Variants in TRABD2A observed in about 807,000 individuals in gnomAD.
The protein encoded by TRABD2A is metalloprotease TIKI1.
TRABD2A carries 43 observed loss-of-function variants against 45.6 expected under a neutral mutation model. The ratio of observed to expected loss-of-function variants is 0.94; its 90% CI spans 0.74 to 1.22. The LOEUF is 1.22. Among genes scored for constraint, TRABD2A ranks in the 50% most tolerant of loss-of-function variants. TRABD2A has a pLI of 0.00. For missense variants in TRABD2A, 642 were observed against 652.4 expected, an observed-to-expected ratio of 0.98 and a Z score of 0.17; for synonymous variants, 269 against 265.0, an observed-to-expected ratio of 1.02 and a Z score of -0.15.
At chr2:84,872,827 C>T (rs942996659) in intron 1 of TRABD2A, among the ~76,000 whole-genome samples, 2 of 152,102 alleles carry the variant, frequency 1.3e-5, no homozygotes, top group Non-Finnish European at 2.9e-5. Context: ...TGAAAGGCAC[C>T]TTATTGGCCA....
At chr2:84,880,789 C>T in intron 1 of TRABD2A, 143 bp downstream of exon 1, 1 of 1,278,964 alleles carries the variant, frequency 7.8e-7, no homozygotes, top group Non-Finnish European at 1.1e-6. Flanking sequence ...GGAGAGCGAG[C>T]AAGGAGCGCC....
At chr2:84,827,593 C>T (rs1180174991) in intron 5 of TRABD2A, among the ~76,000 whole-genome samples, 1 of 152,180 alleles carries the variant, frequency 6.6e-6, no homozygotes, top group Non-Finnish European at 1.5e-5. Context: ...GCCAGATCCC[C>T]AAAGATGTCC....
intron 6 of TRABD2A, 21 bp from the exon 7 acceptor site, chr2:84,822,121 C>G: frequency 6.5e-7 from 1 of 1,530,436 alleles, no homozygotes; most frequent in African/African-American, 1.4e-5. Flanking sequence ...AAGAGAAAGA[C>G]AGAGTCTGAA....
At chr2:84,847,175 A>C (rs575739069) in intron 2 of TRABD2A, among the ~76,000 whole-genome samples, 1 of 152,258 alleles carries the variant, frequency 6.6e-6, no homozygotes, top group Non-Finnish European at 1.5e-5. Context: ...CATGGGCACC[A>C]CAGGAGCAAT....
At position 84,821,979 on chromosome 2, in the gene TRABD2A, G is replaced by C. The variant is rs756446721; in HGVS notation, c.1456C>G (p.Leu486Val). ...AGCACCCAGAACACAGGAGTCCAGA[G>C]AGACAGGCAGGCACTGCTGGCCACC... The part of the protein sequence containing the change: ...QMVASSACLS[L>V]WTPVFWVLVL... The change falls in exon 7 of 7, where the codon CTC (leucine) becomes GTC (valine). Residue 486 changes from leucine (L) to valine (V), a missense_variant. Leu to Val is a conservative substitution (Grantham distance 32, BLOSUM62 1). Transcript: ENST00000409520. 33 of 1,604,340 alleles carry C rather than the reference G, an allele frequency of 2.1e-5. No homozygotes were observed. The highest frequency in any genetic ancestry group is 1.6e-5 in the Non-Finnish European group (19 of 1,175,704).
intron 5 of TRABD2A, among the ~76,000 whole-genome samples, chr2:84,829,675 C>T (rs985881612): frequency 8.6e-5 from 13 of 150,452 alleles, no homozygotes; most frequent in African/African-American, 2.4e-4. Flanking sequence ...GCACACATAC[C>T]CCACACACAT....
At position 84,830,832 on chromosome 2, in the gene TRABD2A, G is replaced by A. The variant is rs1051210122; in HGVS notation, c.1082+1223C>T. ...GGGAGACAAGGTGCAGTGAAGGGGG[G>A]CCTTCTGAGGAGAAAGAGGGCAGCT... On this transcript the variant is annotated intron_variant, in intron 5 of 6. Transcript: ENST00000409520. This position sits in a 1 kb window ranked among gnomAD's most constrained non-coding sequence, Gnocchi z 4.9. 6.6e-6 allele frequency among the ~76,000 whole-genome samples: 1 copy of A among 152,190 alleles called. No individual in the cohort carries two copies. Among genetic ancestry groups the A allele is most frequent in the Non-Finnish European group, 1.5e-5 (1 of 68,030 alleles).
intron 2 of TRABD2A, among the ~76,000 whole-genome samples, chr2:84,862,667 A>G (rs1308580063): frequency 1.3e-5 from 2 of 152,084 alleles, no homozygotes; most frequent in African/African-American, 4.8e-5. Context: ...GAGCCAGGGG[A>G]AGGGAGAATC....
At chr2:84,851,117 C>T (rs1682079289) in intron 2 of TRABD2A, 1 of 152,256 alleles carries the variant, frequency 6.6e-6, no homozygotes, top group Non-Finnish European at 1.5e-5. Flanking sequence ...CACAGAAAGG[C>T]CTTATTTATT....
At chr2:84,829,928 C>G (rs1242170375) in intron 5 of TRABD2A, among the ~76,000 whole-genome samples, 1 of 150,326 alleles carries the variant, frequency 6.7e-6, no homozygotes, top group Non-Finnish European at 1.5e-5. Context: ...ACACACCACA[C>G]AAACCCTACA....
intron 2 of TRABD2A, among the ~76,000 whole-genome samples, chr2:84,862,576 G>A (rs1682535040): frequency 1.3e-5 from 2 of 152,108 alleles, no homozygotes; most frequent in African/African-American, 4.8e-5. Context: ...GTGGCATCCA[G>A]GTACCTGTAC....
Position 84,824,227 on chromosome 2 carries a change from G to A in TRABD2A, c.1083-23C>T, listed in dbSNP as rs202065815. 1.2e-5 allele frequency: 19 copies of A among 1,612,956 alleles called. No individual in the cohort carries two copies. The Admixed American group carries it at 3.2e-4, about 27-fold the overall frequency. On this transcript the variant is annotated intron_variant, in intron 5 of 6. Transcript: ENST00000409520. Reference sequence around the variant, plus strand: ...CCTCTGTACGCAAGTGGAAGGAGAAGGTATTTGGAGGAGGGTCACACAGCA... The same window carrying A: ...CCTCTGTACGCAAGTGGAAGGAGAAAGTATTTGGAGGAGGGTCACACAGCA...
chr2:84,834,784 T>A (rs1455025499), intron 4 of TRABD2A: 1 of 152,230 alleles, frequency 6.6e-6, no homozygotes, highest in Non-Finnish European at 1.5e-5. Context: ...TATTTATCCA[T>A]GTCAGTTGAT....
At chr2:84,828,161 C>G (rs759287006) in intron 5 of TRABD2A, among the ~76,000 whole-genome samples, 1 of 152,182 alleles carries the variant, frequency 6.6e-6, no homozygotes, top group Non-Finnish European at 1.5e-5. Context: ...GAACAGCAAC[C>G]TCACCTTCAG....
intron 1 of TRABD2A, among the ~76,000 whole-genome samples, chr2:84,875,284 A>G (rs1159704974): frequency 6.6e-6 from 1 of 152,226 alleles, no homozygotes; most frequent in Non-Finnish European, 1.5e-5. Context: ...GGGGCCCACT[A>G]TGGGGATATC....
intron 2 of TRABD2A, among the ~76,000 whole-genome samples, chr2:84,867,841 T>G (rs1682733769): frequency 6.6e-6 from 1 of 152,154 alleles, no homozygotes; most frequent in African/African-American, 2.4e-5. Flanking sequence ...CAAATGCTCA[T>G]CATCACTGGC....
In TRABD2A at chr2:84,840,849, G is replaced by A. The variant is rs114090899; in HGVS notation, c.816+1012C>T. Among the ~76,000 whole-genome samples the A allele has an allele frequency of 1.6e-3, 244 of 152,042 alleles. 3 individuals carry two copies. Among genetic ancestry groups the A allele is most frequent in the African/African-American group, 5.7e-3 (238 of 41,478 alleles). On this transcript the variant is annotated intron_variant, in intron 3 of 6. Coordinates refer to ENST00000409520, the MANE Select transcript of TRABD2A (RefSeq NM_001277053.2). ...CTTTTTTTTCCTCTAGATTTTTGGG[G>A]ATGCTCCTTACATCTTTTGAGGCTT...
chr2:84,848,167 A>G lies in TRABD2A; in HGVS notation c.670-6160T>C, dbSNP rs142176715. On this transcript the variant is annotated intron_variant, in intron 2 of 6. Coordinates refer to ENST00000409520, the MANE Select transcript of TRABD2A (RefSeq NM_001277053.2). ...GAAGACATAATTCAACCCATAACAC[A>G]TGTCGATCTCAGCGTTCCTTTTTTT... is the stretch of plus-strand genomic sequence containing the variant. Among the ~76,000 whole-genome samples the G allele has an allele frequency of 3.8e-3, 576 of 152,294 alleles. 6 individuals are homozygous for G. The highest frequency in any genetic ancestry group is 0.013 in the African/African-American group (551 of 41,556).
At chr2:84,841,817 T>C in intron 3 of TRABD2A, 44 bp downstream of exon 3, 1 of 1,451,624 alleles carries the variant, frequency 6.9e-7, no homozygotes, top group African/African-American at 1.4e-5. Flanking sequence ...TTTATTCCTA[T>C]AATTAAATGT....
Sources: allele counts gnomAD v4.1 joint callset (sites outside exome capture counted in the v4.1 genomes callset), GRCh38; gene constraint gnomAD v4.1.1; non-coding constraint Gnocchi (gnomAD v3.1); transcripts MANE v1.5; gene names NCBI Gene and HGNC (gene_info 2026-07-23, HGNC 2026-07-21).